Variants in WDR27 observed in about 807,000 individuals in gnomAD.
WDR27 encodes the protein WD repeat-containing protein 27.
WDR27 carries 100 observed loss-of-function variants against 114.4 expected under a neutral mutation model. That is an observed-to-expected ratio of 0.87 (90% CI 0.74 to 1.03). WDR27 has a LOEUF of 1.03. WDR27 is among the 50% of genes least tolerant of loss of function. WDR27 has a pLI of 0.00. For synonymous variants in WDR27, 449 were observed against 423.1 expected (o/e 1.06, Z -0.75); for missense variants, 1,129 against 1,092.9 (o/e 1.03, Z -0.47).
chr6:169,668,744 T>C (rs575873655), intron 4 of WDR27: 4 of 152,964 alleles, frequency 2.6e-5, no homozygotes, highest in African/African-American at 9.6e-5. Context: ...CACGAAGTGC[T>C]GGGCACTGTT....
At chr6:169,583,505 G>GTA (rs1465409175) in intron 23 of WDR27, among the ~76,000 whole-genome samples, 14 of 22,454 alleles carry the variant, frequency 6.2e-4, no homozygotes, top group African/African-American at 1.4e-3. Flanking sequence ...ATATATATAT[G>GTA]TATATATACA....
intron 3 of WDR27, 142 bp from the exon 4 acceptor site, chr6:169,670,835 T>C (rs1197158294): frequency 1.7e-6 from 2 of 1,196,890 alleles, no homozygotes; most frequent in African/African-American, 1.5e-5. Context: ...TTTGATTCTT[T>C]AAGAATATCA....
chr6:169,648,980 T>TTAA (rs1290368345), intron 15 of WDR27, among the ~76,000 whole-genome samples: 1 of 152,246 alleles, frequency 6.6e-6, no homozygotes, highest in African/African-American at 2.4e-5. Flanking sequence ...TTCAAAATTG[T>TTAA]TAAGGTGGTA....
At chr6:169,674,745 C>T (rs961147363) in intron 2 of WDR27, among the ~76,000 whole-genome samples, 8 of 152,236 alleles carry the variant, frequency 5.3e-5, no homozygotes, top group Non-Finnish European at 1.0e-4. Flanking sequence ...CTCTTTCATG[C>T]GCGTCCATGT....
At chr6:169,656,433 T>C (rs550971452) in intron 13 of WDR27, among the ~76,000 whole-genome samples, 2 of 152,272 alleles carry the variant, frequency 1.3e-5, no homozygotes, top group African/African-American at 4.8e-5. Context: ...TGGAGGTTTA[T>C]CTGACTTCTG....
intron 25 of WDR27, among the ~76,000 whole-genome samples, chr6:169,504,350 TGG>T (rs2115499464): frequency 6.6e-6 from 1 of 152,258 alleles, no homozygotes; most frequent in Admixed American, 6.5e-5. Context: ...TAGGACCAGG[TGG>T]AGATAACTGA....
At chr6:169,472,910 C>T (rs1212487911) in intron 25 of WDR27, among the ~76,000 whole-genome samples, 5 of 152,156 alleles carry the variant, frequency 3.3e-5, no homozygotes, top group Non-Finnish European at 7.3e-5. Context: ...TGTTAAGCCA[C>T]ACACATTCTA....
the WDR27 span, among the ~76,000 whole-genome samples, chr6:169,429,370 T>C: frequency 2.0e-5 from 3 of 151,542 alleles, no homozygotes; most frequent in Non-Finnish European, 4.4e-5. Flanking sequence ...TTGACTCCCT[T>C]GCACAGGCAT....
intron 8 of WDR27, among the ~76,000 whole-genome samples, 168 bp downstream of exon 8, chr6:169,663,998 A>AC (rs1430121710): frequency 1.3e-5 from 2 of 151,806 alleles, no homozygotes; most frequent in African/African-American, 4.8e-5. Context: ...CTGATGGCCC[A>AC]CCCCTCACAT....
chr6:169,433,318 C>A, the WDR27 span, among the ~76,000 whole-genome samples: 1 of 152,198 alleles, frequency 6.6e-6, no homozygotes, highest in African/African-American at 2.4e-5. Flanking sequence ...CCAACTCCCA[C>A]TTACAAGTGA....
intron 25 of WDR27, among the ~76,000 whole-genome samples, chr6:169,555,415 G>T (rs1798735543): frequency 6.6e-6 from 1 of 152,162 alleles, no homozygotes; most frequent in South Asian, 2.1e-4. Context: ...GGATGGAAGG[G>T]AGACCAGGCG....
intron 25 of WDR27, among the ~76,000 whole-genome samples, chr6:169,515,301 T>G (rs1793494737): frequency 6.6e-6 from 1 of 152,200 alleles, no homozygotes; most frequent in Admixed American, 6.5e-5. Context: ...CTCTACTGTG[T>G]GCTATTCGTA....
At chr6:169,600,463 A>G (rs992617727) in intron 23 of WDR27, among the ~76,000 whole-genome samples, 3 of 152,224 alleles carry the variant, frequency 2.0e-5, no homozygotes, top group African/African-American at 7.2e-5. Context: ...AGCTGGACGG[A>G]GAATGACTTT....
At chr6:169,639,724 C>G (rs754338798) in intron 17 of WDR27, among the ~76,000 whole-genome samples, 13 of 152,156 alleles carry the variant, frequency 8.5e-5, no homozygotes, top group Non-Finnish European at 1.6e-4. Context: ...CATCCTACTC[C>G]CAGCCTAACC....
At chr6:169,516,112 C>G (rs1213121616) in intron 25 of WDR27, among the ~76,000 whole-genome samples, 1 of 152,098 alleles carries the variant, frequency 6.6e-6, no homozygotes, top group Non-Finnish European at 1.5e-5. Flanking sequence ...AGAAAACTGT[C>G]AAAAACTGTC....
chr6:169,676,922 T>A (rs1033699110), intron 2 of WDR27, among the ~76,000 whole-genome samples: 3 of 152,222 alleles, frequency 2.0e-5, no homozygotes, highest in African/African-American at 7.2e-5. Context: ...ACCTCAAGAC[T>A]GTGCCTTGGG....
At chr6:169,655,220 C>T (rs4716371) in intron 13 of WDR27, among the ~76,000 whole-genome samples, 2 of 152,226 alleles carry the variant, frequency 1.3e-5, no homozygotes, top group Non-Finnish European at 2.9e-5. Flanking sequence ...GCAAGAGCTC[C>T]GGGCAGGAGA....
In WDR27 at chr6:169,659,522, C is replaced by T. The variant is rs778880198; in HGVS notation, c.1130-4G>A. On this transcript the variant is annotated splice_polypyrimidine_tract_variant and splice_region_variant and intron_variant, in intron 10 of 25. Transcript: ENST00000448612. This position sits in a 1 kb window ranked among gnomAD's most constrained non-coding sequence, Gnocchi z 4.3. ...AGGATGCTGAGGCTCTGGAAATCTT[C>T]AGTTGAGCGAAGACCAGGAAGAACA... 1.9e-6 allele frequency: 3 copies of T among 1,607,378 alleles called. No homozygotes were observed. The Admixed American group carries it at 5.1e-5, about 27-fold the overall frequency.
chr6:169,455,109 C>T (rs969995991), downstream of WDR27, among the ~76,000 whole-genome samples: 7 of 152,200 alleles, frequency 4.6e-5, no homozygotes, highest in Non-Finnish European at 5.9e-5. Flanking sequence ...CTCTGTCCTG[C>T]GTGAGGTGCA....
Sources: allele counts gnomAD v4.1 joint callset (sites outside exome capture counted in the v4.1 genomes callset), GRCh38; gene constraint gnomAD v4.1.1; non-coding constraint Gnocchi (gnomAD v3.1); transcripts MANE v1.5; gene names NCBI Gene and HGNC (gene_info 2026-07-23, HGNC 2026-07-21).